Variants in STK3 observed in about 807,000 individuals in gnomAD.
The protein encoded by STK3 is serine/threonine kinase 3.
In STK3, 41 loss-of-function variants were observed where a neutral mutation model predicts 58.0. The ratio of observed to expected loss-of-function variants is 0.71; its 90% CI spans 0.55 to 0.92. The LOEUF (loss-of-function observed/expected upper bound fraction) is 0.92. Among genes scored for constraint, STK3 ranks in the 40% least tolerant of loss-of-function variants. STK3 has a pLI of 0.00. For synonymous variants in STK3, 170 were observed against 191.0 expected (o/e 0.89, Z 0.91); for missense variants, 479 against 602.7 (o/e 0.79, Z 2.15).
intron 2 of STK3, among the ~76,000 whole-genome samples, chr8:98,374,900 C>T (rs1817656902): frequency 6.6e-6 from 1 of 152,024 alleles, no homozygotes; most frequent in Non-Finnish European, 1.5e-5. Context: ...AAATGGAGGT[C>T]AGGGTGGCAG....
chr8:98,348,436 A>C, the STK3 span, among the ~76,000 whole-genome samples: 2 of 152,252 alleles, frequency 1.3e-5, no homozygotes, highest in African/African-American at 4.8e-5. Flanking sequence ...ACTAAAATTA[A>C]AGACTTCTGC....
intron 8 of STK3, among the ~76,000 whole-genome samples, chr8:98,574,929 T>A (rs1813274339): frequency 6.6e-6 from 1 of 152,198 alleles, no homozygotes; most frequent in Non-Finnish European, 1.5e-5. Context: ...TAGTGACTCG[T>A]GCACTTCCTG....
At chr8:98,641,647 G>A (rs764172005) in intron 6 of STK3, among the ~76,000 whole-genome samples, 1 of 152,108 alleles carries the variant, frequency 6.6e-6, no homozygotes, top group Non-Finnish European at 1.5e-5. Context: ...CTTACTTAAA[G>A]AAGATTTAAT....
the STK3 span, among the ~76,000 whole-genome samples, chr8:98,354,071 A>G: frequency 6.6e-6 from 1 of 152,180 alleles, no homozygotes; most frequent in African/African-American, 2.4e-5. Flanking sequence ...AGAGGATCTG[A>G]TCTGGTCTTT....
chr8:98,361,369 C>T, the STK3 span, among the ~76,000 whole-genome samples: 1 of 152,122 alleles, frequency 6.6e-6, no homozygotes, highest in African/African-American at 2.4e-5. Context: ...TGGTTAAGGG[C>T]ATAGGCTCTG....
intron 3 of STK3, among the ~76,000 whole-genome samples, chr8:98,876,882 A>G (rs1212642144): frequency 6.6e-6 from 1 of 152,236 alleles, no homozygotes; most frequent in Non-Finnish European, 1.5e-5. Context: ...AATGTAGGCA[A>G]TGTGCTTGTA....
intron 7 of STK3, among the ~76,000 whole-genome samples, chr8:98,591,356 CT>C (rs1240607057): frequency 2.0e-5 from 3 of 152,164 alleles, no homozygotes; most frequent in Non-Finnish European, 4.4e-5. Context: ...TGTATGTGTT[CT>C]GGGCACGTTT....
chr8:98,907,029 G>A (rs1838935784), intron 1 of STK3, among the ~76,000 whole-genome samples: 1 of 149,656 alleles, frequency 6.7e-6, no homozygotes, highest in South Asian at 2.1e-4. Flanking sequence ...ATGGTGGTAT[G>A]CACCTGTAGT....
chr8:98,764,781 TTAGATGA>T (rs1830839719), intron 3 of STK3, among the ~76,000 whole-genome samples: 2 of 152,126 alleles, frequency 1.3e-5, no homozygotes, highest in Admixed American at 1.3e-4. Context: ...AACTTAAGAC[TTAGATGA>T]TAGAGAATAC....
At chr8:98,475,682 C>T (rs899200614) in intron 10 of STK3, among the ~76,000 whole-genome samples, 7 of 152,070 alleles carry the variant, frequency 4.6e-5, no homozygotes, top group African/African-American at 9.7e-5. Context: ...CTGATATCTA[C>T]GCTATGATAA....
Position 98,716,712 on chromosome 8 carries a change from A to G in STK3, c.352-9401T>C, listed in dbSNP as rs188180341. Among the ~76,000 whole-genome samples the G allele has an allele frequency of 6.8e-3, 1,036 of 152,272 alleles. 9 individuals are homozygous for G. Among genetic ancestry groups the G allele is most frequent in the African/African-American group, 0.023 (971 of 41,560 alleles). On this transcript the variant is annotated intron_variant, in intron 4 of 10. Transcript: ENST00000419617. The stretch of plus-strand genomic sequence containing the variant: ...TTGTATGAAATCTCAAGGGGCCCCA[A>G]AACAACACTGAAAATAGAAGAACAA...
chr8:98,374,313 C>T (rs1037590490), intron 2 of STK3, among the ~76,000 whole-genome samples: 56 of 152,124 alleles, frequency 3.7e-4, no homozygotes, highest in Non-Finnish European at 6.6e-4. Context: ...GGAAAGAGGC[C>T]GTCTGTCTAA....
At chr8:98,637,750 T>C (rs1399366357) in intron 6 of STK3, among the ~76,000 whole-genome samples, 1 of 152,136 alleles carries the variant, frequency 6.6e-6, no homozygotes, top group East Asian at 1.9e-4. Context: ...CAGTTTTAAA[T>C]GAGCAAATGA....
chr8:98,669,684 G>C (rs953639293), intron 6 of STK3, among the ~76,000 whole-genome samples: 10 of 152,164 alleles, frequency 6.6e-5, no homozygotes, highest in African/African-American at 1.2e-4. Context: ...CCGGAATACA[G>C]GGTCTTCAAC....
intron 6 of STK3, among the ~76,000 whole-genome samples, chr8:98,659,344 A>G (rs1409218446): frequency 6.6e-6 from 1 of 152,034 alleles, no homozygotes; most frequent in African/African-American, 2.4e-5. Flanking sequence ...TTTGGACTTA[A>G]TAACACCTTA....
chr8:98,916,577 A>G (rs1839356397), intron 1 of STK3, among the ~76,000 whole-genome samples: 1 of 152,180 alleles, frequency 6.6e-6, no homozygotes, highest in Admixed American at 6.5e-5. Context: ...CTGCAGTGTA[A>G]ATATAATTGC....
intron 1 of STK3, among the ~76,000 whole-genome samples, chr8:98,916,344 G>A (rs140599998): frequency 1.8e-4 from 28 of 152,294 alleles, no homozygotes; most frequent in East Asian, 3.9e-4. Context: ...AACCCAGGAC[G>A]CGGAGGTTGC....
chr8:98,853,104 ATT>A (rs1836538606), intron 3 of STK3, among the ~76,000 whole-genome samples: 2 of 151,900 alleles, frequency 1.3e-5, no homozygotes, highest in Non-Finnish European at 2.9e-5. Flanking sequence ...TTATATATAT[ATT>A]AATATTAAAT....
intron 10 of STK3, among the ~76,000 whole-genome samples, chr8:98,506,877 G>A (rs1824126767): frequency 6.6e-6 from 1 of 152,202 alleles, no homozygotes; most frequent in Non-Finnish European, 1.5e-5. Flanking sequence ...TTTCCCCAGA[G>A]AAGGTGTGGC....
Sources: gnomAD v4.1 joint callset for allele counts (sites outside exome capture counted in the v4.1 genomes callset) on GRCh38, gnomAD v4.1.1 for gene constraint, MANE v1.5 for transcripts, NCBI Gene and HGNC (gene_info 2026-07-23, HGNC 2026-07-21) for gene names.